ERAP2: variants seen among roughly 807,000 people sequenced by gnomAD.
The protein encoded by ERAP2 is leukocyte-derived arginine aminopeptidase.
A neutral mutation model predicts 111.1 loss-of-function variants in ERAP2; 118 were observed. The ratio of observed to expected loss-of-function variants is 1.06; its 90% CI spans 0.92 to 1.24. The LOEUF is 1.24. Ranked by LOEUF, ERAP2 falls within the 50% of genes most tolerant of loss-of-function variation. The pLI, the probability that ERAP2 is intolerant of heterozygous loss-of-function variation, is 0.00. For missense variants in ERAP2, 1,131 were observed against 1,125.8 expected (o/e 1.00, Z -0.07); for synonymous variants, 410 against 401.2 (o/e 1.02, Z -0.26).
intron 5 of ERAP2, among the ~76,000 whole-genome samples, chr5:96,892,066 C>T (rs1454452298): frequency 6.6e-6 from 1 of 152,084 alleles, no homozygotes; most frequent in East Asian, 1.9e-4. Flanking sequence ...GGTTAAATGT[C>T]CATATGTTAC....
intron 16 of ERAP2, 30 bp downstream of exon 16, chr5:96,912,828 T>C: frequency 6.4e-7 from 1 of 1,555,338 alleles, no homozygotes; most frequent in Non-Finnish European, 8.7e-7. Context: ...TAAATTGTTA[T>C]AAGTAAACTG....
At chr5:96,912,899 G>T in intron 16 of ERAP2, 101 bp downstream of exon 16, 1 of 900,528 alleles carries the variant, frequency 1.1e-6, no homozygotes, top group South Asian at 1.6e-5. Context: ...TAAGATAATT[G>T]AATCAGAATG....
rs760174507 is a variant in ERAP2, at chr5:96,883,911, C to T, written c.695C>T (p.Ala232Val). ...IKIRRESRHI[A>V]LSNMPKVKTI... ...ATACGAAGAGAGAGCAGGCATATTG[C>T]ACTATCCAACATGCCAAAGGTATGT... Residue 232 changes from alanine (A) to valine (V), a missense_variant, in exon 3 of 19, where the codon GCA (alanine) becomes GTA (valine). Ala to Val is a moderately conservative substitution (Grantham distance 64). Coordinates refer to ENST00000437043, the MANE Select transcript of ERAP2 (RefSeq NM_022350.5). 1 of 1,610,744 alleles carries T rather than the reference C, an allele frequency of 6.2e-7. No individual in the cohort carries two copies. The highest frequency in any genetic ancestry group is 2.2e-5 in the East Asian group (1 of 44,600).
At chr5:96,891,499 GTATATATA>G (rs373623665) in intron 5 of ERAP2, among the ~76,000 whole-genome samples, 70,025 of 139,302 alleles carry the variant, frequency 0.5, 18,228 homozygotes, top group Middle Eastern at 0.58. Context: ...GTGTGTGTGT[GTATATATA>G]TATATATATG....
At chr5:96,884,333 G>C (rs1783506124) in intron 3 of ERAP2, among the ~76,000 whole-genome samples, 2 of 152,102 alleles carry the variant, frequency 1.3e-5, no homozygotes, top group African/African-American at 4.8e-5. Context: ...AGAGGTCTTG[G>C]GTTGAAGCTT....
chr5:96,900,731 T>C (rs993601792), intron 10 of ERAP2, among the ~76,000 whole-genome samples: 9 of 152,138 alleles, frequency 5.9e-5, no homozygotes, highest in Non-Finnish European at 1.2e-4. Context: ...GGCTGGAGTA[T>C]AGTGGCACAA....
rs775243575 is a variant in ERAP2, at chr5:96,896,433, C to A, written c.1300C>A (p.Arg434Ser). 8 of 1,612,890 alleles carry A rather than the reference C, an allele frequency of 5.0e-6. 1 individual carries two copies. The Admixed American group carries it at 1.3e-4, about 27-fold the overall frequency. ...VITKDSLNSS[R>S]PISKPAETPT... ...TACAAAAGATTCATTGAATTCATCC[C>A]GCCCTATCTCCAAACCAGCGGAAAC... Residue 434 changes from arginine to serine, a missense_variant, in exon 8 of 19, where the codon CGC becomes AGC. Around this residue, in one of 3 missense-constraint regions of ERAP2, gnomAD observed 847 missense variants for 856.5 expected, o/e 0.99. Transcript: ENST00000437043.
chr5:96,905,582 T>G (rs1302645726), intron 13 of ERAP2, among the ~76,000 whole-genome samples: 1 of 152,218 alleles, frequency 6.6e-6, no homozygotes, highest in African/African-American at 2.4e-5. Context: ...TTATGAAACT[T>G]CAATTTAAGA....
At chr5:96,890,039 G>A (rs1784171271) in intron 5 of ERAP2, among the ~76,000 whole-genome samples, 1 of 152,196 alleles carries the variant, frequency 6.6e-6, no homozygotes, top group Admixed American at 6.5e-5. Context: ...CTGTGGAACA[G>A]ATTTTTAAAA....
rs372954730 is a variant in ERAP2, at chr5:96,896,335, A to G, written c.1240-38A>G. ...GTTTTCTATTGCTTTTACAGTGTCA[A>G]ATAGAAACTAAAACTAAACATTTTT... On this transcript the variant is annotated intron_variant, in intron 7 of 18. Transcript: ENST00000437043. 3 of 1,553,014 alleles carry G rather than the reference A, an allele frequency of 1.9e-6. No homozygotes were observed. The African/African-American group carries it at 4.1e-5, about 21-fold the overall frequency.
In ERAP2 at chr5:96,918,424, T is replaced by C. The variant is rs1304294097; in HGVS notation, c.*819T>C. On this transcript the variant is annotated 3_prime_UTR_variant, in exon 19 of 19. Transcript: ENST00000437043. ...AGAGACTTTGCCACCAAATCTCAGATTATTAGAAACTAGGTGTCAGGGTTT... is the reference window on the plus strand; with the variant it reads ...AGAGACTTTGCCACCAAATCTCAGACTATTAGAAACTAGGTGTCAGGGTTT... 1.3e-5 allele frequency: 2 copies of C among 152,198 alleles called. No homozygotes were observed. The highest frequency in any genetic ancestry group is 2.9e-5 in the Non-Finnish European group (2 of 68,044). The allele number at this position is 152,198 out of a possible 1,614,324, so 9.4% of individuals were successfully genotyped here.
rs1256563193 is a variant in ERAP2 at position 96,889,856 on chromosome 5, ACACACACG to A, written c.970+554_970+561del. On this transcript the variant is annotated intron_variant, in intron 5 of 18. Transcript: ENST00000437043. ...TACACACACACACACACACACACAC[ACACACACG>A]CATTGCATATTAGAATTAGAGGGAT... Among the ~76,000 whole-genome samples, 205 of 135,544 alleles carry A rather than the reference ACACACACG, an allele frequency of 1.5e-3. 2 individuals carry two copies. The highest frequency in any genetic ancestry group is 5.2e-3 in the African/African-American group (186 of 35,882). 88.9% of individuals were successfully genotyped at this position (135,544 alleles called of 152,430 possible).
At chr5:96,891,533 T>TAG (rs199636008) in intron 5 of ERAP2, among the ~76,000 whole-genome samples, 1 of 85,848 alleles carries the variant, frequency 1.2e-5, no homozygotes, top group African/African-American at 5.1e-5. Context: ...ATACGGTATA[T>TAG]ATACACACAC....
intron 13 of ERAP2, among the ~76,000 whole-genome samples, chr5:96,904,420 T>A (rs1785812281): frequency 1.3e-5 from 2 of 152,124 alleles, no homozygotes; most frequent in Non-Finnish European, 2.9e-5. Flanking sequence ...TCAAATTGAG[T>A]GAAAGTGACC....
At chr5:96,891,447 A>G (rs147414420) in intron 5 of ERAP2, among the ~76,000 whole-genome samples, 2,595 of 149,612 alleles carry the variant, frequency 0.017, 38 homozygotes, top group Non-Finnish European at 0.029. Context: ...ATATATATGT[A>G]TATACACACA....
chr5:96,907,171 TTA>T (rs1352937889), intron 13 of ERAP2, among the ~76,000 whole-genome samples: 6 of 152,228 alleles, frequency 3.9e-5, no homozygotes, highest in African/African-American at 1.4e-4. Flanking sequence ...AGGTTTATGT[TTA>T]TATATGTTTT....
At chr5:96,902,770 C>A in intron 12 of ERAP2, 1 of 159,034 alleles carries the variant, frequency 6.3e-6, no homozygotes, top group Non-Finnish European at 1.4e-5. Context: ...CACACTCATC[C>A]TGAGCTTCAA....
chr5:96,895,254 C>T lies in ERAP2; in HGVS notation c.1134C>T (p.Gly378=). ...IAHELAHQWF[G]NLVTMEWWND... Reference sequence around the variant, plus strand: ...GAGTTTTTACCTCCTAGTGGTTTGGCAACCTGGTCACAATGGAATGGTGGA... The same window carrying T: ...GAGTTTTTACCTCCTAGTGGTTTGGTAACCTGGTCACAATGGAATGGTGGA... The change falls in exon 7 of 19, where the codon GGC becomes GGT. Residue 378 remains glycine (G), a synonymous_variant. Coordinates refer to ENST00000437043, the MANE Select transcript of ERAP2 (RefSeq NM_022350.5). 1 of 1,605,826 alleles carries T rather than the reference C, an allele frequency of 6.2e-7. No individual in the cohort carries two copies. Among genetic ancestry groups the T allele is most frequent in the Non-Finnish European group, 8.5e-7 (1 of 1,175,828 alleles).
chr5:96,914,773 T>C (rs746581058), intron 17 of ERAP2, among the ~76,000 whole-genome samples: 5 of 152,154 alleles, frequency 3.3e-5, no homozygotes, highest in Admixed American at 6.5e-5. Context: ...CCAAGTAACA[T>C]TGCCCCACTA....
Sources: allele counts gnomAD v4.1 joint callset (sites outside exome capture counted in the v4.1 genomes callset), GRCh38; gene constraint gnomAD v4.1.1; regional missense constraint gnomAD v4.1.1; transcripts MANE v1.5; gene names NCBI Gene and HGNC (gene_info 2026-07-23, HGNC 2026-07-21).